TNRC6A: variants seen among roughly 807,000 people sequenced by gnomAD.
The protein encoded by TNRC6A is trinucleotide repeat containing adaptor 6A, also known as trinucleotide repeat-containing gene 6A protein.
Under a neutral mutation model 221.2 loss-of-function variants are expected in TNRC6A, and 44 were observed. That is an observed-to-expected ratio of 0.20 (90% CI 0.16 to 0.26). The LOEUF is 0.26. TNRC6A is among the 10% of genes least tolerant of loss of function. TNRC6A has a pLI of 1.00. For missense variants in TNRC6A, 2,199 were observed against 2,404.4 expected (o/e 0.91, Z 1.79); for synonymous variants, 847 against 838.5 (o/e 1.01, Z -0.18).
chr16:24,648,485 T>C (rs183133541), intron 2 of TNRC6A, among the ~76,000 whole-genome samples: 2 of 151,886 alleles, frequency 1.3e-5, no homozygotes, highest in Non-Finnish European at 2.9e-5. Flanking sequence ...TTAGCCAGGA[T>C]GGTCTCGATC....
At chr16:24,767,350 A>T (rs1180675381) in intron 4 of TNRC6A, among the ~76,000 whole-genome samples, 1 of 152,212 alleles carries the variant, frequency 6.6e-6, no homozygotes. Flanking sequence ...TAGATTTAGT[A>T]TCCTTAAACT....
intron 2 of TNRC6A, among the ~76,000 whole-genome samples, chr16:24,744,721 A>C (rs762075041): frequency 2.0e-5 from 3 of 152,192 alleles, no homozygotes; most frequent in Non-Finnish European, 2.9e-5. Context: ...TGCCAGCTAA[A>C]GCTAAGCTAA....
At chr16:24,765,141 G>C (rs538819763) in intron 4 of TNRC6A, among the ~76,000 whole-genome samples, 8 of 152,160 alleles carry the variant, frequency 5.3e-5, no homozygotes, top group Non-Finnish European at 1.0e-4. Flanking sequence ...TTTAATTTTT[G>C]TGGGAATCCA....
In TNRC6A at chr16:24,816,776, A is replaced by G. The variant is rs564548772; in HGVS notation, c.4832-40A>G. ...ATATTTATTAATGGATTTTAAAATG[A>G]TGATTAAGCTTTGAACTAATTTTAA... is the stretch of plus-strand genomic sequence containing the variant. On this transcript the variant is annotated intron_variant, in intron 19 of 24. Coordinates refer to ENST00000395799, the MANE Select transcript of TNRC6A (RefSeq NM_014494.4). 1.7e-4 allele frequency: 265 copies of G among 1,579,354 alleles called. 1 individual carries two copies. In the South Asian group the frequency reaches 3.0e-3, roughly 18 times the overall value.
intron 1 of TNRC6A, among the ~76,000 whole-genome samples, chr16:24,622,369 G>A (rs1345563110): frequency 6.6e-6 from 1 of 152,172 alleles, no homozygotes; most frequent in Non-Finnish European, 1.5e-5. Flanking sequence ...GGGAGGCCAA[G>A]GCAGGTGGAT....
intron 2 of TNRC6A, among the ~76,000 whole-genome samples, chr16:24,657,679 A>C (rs1444947096): frequency 1.3e-5 from 2 of 150,278 alleles, no homozygotes; most frequent in East Asian, 4.0e-4. Context: ...ACTGCACTCC[A>C]GCTTGGGCGA....
chr16:24,813,483 A>G (rs931719609), intron 18 of TNRC6A, among the ~76,000 whole-genome samples: 1 of 152,176 alleles, frequency 6.6e-6, no homozygotes, highest in Admixed American at 6.5e-5. Flanking sequence ...AGCTCCATCC[A>G]TGTTGCTGCA....
intron 2 of TNRC6A, among the ~76,000 whole-genome samples, chr16:24,671,502 T>C (rs570847075): frequency 1.3e-5 from 2 of 152,226 alleles, no homozygotes; most frequent in African/African-American, 4.8e-5. Context: ...ATCCGTGATG[T>C]GCCAGACACT....
At chr16:24,804,041 A>G (rs2151976268) in intron 11 of TNRC6A, 136 bp from the exon 12 acceptor site, 1 of 787,196 alleles carries the variant, frequency 1.3e-6, no homozygotes, top group Non-Finnish European at 1.9e-6. Flanking sequence ...ATGAAATGGA[A>G]GTGTATTTTT....
chr16:24,660,869 G>C (rs2055018910), intron 2 of TNRC6A, among the ~76,000 whole-genome samples: 1 of 150,494 alleles, frequency 6.6e-6, no homozygotes, highest in African/African-American at 2.4e-5. Flanking sequence ...AGCCTCCCGA[G>C]TAGCTGGGAC....
chr16:24,733,148 C>T (rs965836889), intron 2 of TNRC6A, among the ~76,000 whole-genome samples: 3 of 151,982 alleles, frequency 2.0e-5, no homozygotes, highest in East Asian at 1.9e-4. Context: ...ACCCTGGGAG[C>T]GGAGAGCCGA....
At chr16:24,818,496 G>A (rs934232052) in intron 20 of TNRC6A, 97 bp from the exon 21 acceptor site, 3 of 889,292 alleles carry the variant, frequency 3.4e-6, no homozygotes, top group Admixed American at 2.0e-5. Flanking sequence ...CCTTTCTTGT[G>A]GCATACTGTT....
At chr16:24,618,143 A>G (rs577897209) in intron 1 of TNRC6A, among the ~76,000 whole-genome samples, 17 of 151,186 alleles carry the variant, frequency 1.1e-4, no homozygotes, top group Non-Finnish European at 1.9e-4. Context: ...TGGGTCTTGA[A>G]CTCTCAGCCT....
chr16:24,659,665 AC>A (rs2054988563), intron 2 of TNRC6A, among the ~76,000 whole-genome samples: 1 of 151,412 alleles, frequency 6.6e-6, no homozygotes, highest in South Asian at 2.1e-4. Context: ...CTGGTCTCAA[AC>A]TCCTGGGCTC....
chr16:24,795,921 A>G lies in TNRC6A; in HGVS notation c.3543A>G (p.Lys1181=), dbSNP rs1365206591. 1 of 1,608,880 alleles carries G rather than the reference A, an allele frequency of 6.2e-7. No homozygotes were observed. The highest frequency in any genetic ancestry group is 2.2e-5 in the East Asian group (1 of 44,662). ...TTTCCTTACAGGGTCTGAGTGGCAA[A>G]AAAAGGAGAAGGGAAAGGGTGTGTA... ...KKMSSKGLSG[K]KRRRERGMMK... The change falls in exon 9 of 25, where the codon AAA becomes AAG. Residue 1181 remains lysine, a synonymous_variant. Coordinates refer to ENST00000395799, the MANE Select transcript of TNRC6A (RefSeq NM_014494.4).
Position 24,777,074 on chromosome 16 carries a change from A to AGCAGCC in TNRC6A, c.311_316dup (p.Pro104_Gln105dup), listed in dbSNP as rs764422298. On this transcript the variant is annotated inframe_insertion, in exon 5 of 25. Coordinates refer to ENST00000395799, the MANE Select transcript of TNRC6A (RefSeq NM_014494.4). ...CAGCCACAGCAGCAGCAGCAACAGC[A>AGCAGCC]GCAGCCGCAGCAGCAGCAGCCACAG... 2 of 1,605,890 alleles carry AGCAGCC rather than the reference A, an allele frequency of 1.2e-6. No homozygotes were observed. Among genetic ancestry groups the AGCAGCC allele is most frequent in the East Asian group, 4.5e-5 (2 of 44,756 alleles).
intron 2 of TNRC6A, among the ~76,000 whole-genome samples, chr16:24,668,701 A>G (rs529050528): frequency 6.6e-6 from 1 of 152,134 alleles, no homozygotes; most frequent in East Asian, 1.9e-4. Flanking sequence ...GTAATTATTC[A>G]CCCTTAATTA....
chr16:24,809,229 A>G (rs1457903548), intron 17 of TNRC6A, 121 bp from the exon 18 acceptor site: 1 of 862,804 alleles, frequency 1.2e-6, no homozygotes, highest in African/African-American at 1.7e-5. Flanking sequence ...AAATTATAGT[A>G]TTAACAGTTA....
At chr16:24,802,053 G>C (rs561742967) in intron 11 of TNRC6A, among the ~76,000 whole-genome samples, 4 of 152,332 alleles carry the variant, frequency 2.6e-5, no homozygotes, top group Admixed American at 2.6e-4. Flanking sequence ...TTAAATACCA[G>C]ATTCATGACT....
Sources: allele counts gnomAD v4.1 joint callset (sites outside exome capture counted in the v4.1 genomes callset), GRCh38; gene constraint gnomAD v4.1.1; transcripts MANE v1.5; gene names NCBI Gene and HGNC (gene_info 2026-07-23, HGNC 2026-07-21).